The following PTPRT variants were observed in gnomAD, a reference collection of about 807,000 sequenced individuals.
PTPRT encodes the protein protein tyrosine phosphatase receptor type T.
PTPRT carries 56 observed loss-of-function variants against 176.8 expected under a neutral mutation model. The ratio of observed to expected loss-of-function variants is 0.32; its 90% CI spans 0.26 to 0.40. The LOEUF is 0.40. Among genes scored for constraint, PTPRT ranks in the 10% least tolerant of loss-of-function variants. The pLI is 1.00. For missense variants in PTPRT, 1,540 were observed against 1,908.2 expected, an observed-to-expected ratio of 0.81 and a Z score of 3.60; for synonymous variants, 783 against 739.0, an observed-to-expected ratio of 1.06 and a Z score of -0.96.
intron 27 of PTPRT, among the ~76,000 whole-genome samples, chr20:42,087,409 T>A (rs1413811291): frequency 2.7e-5 from 4 of 148,026 alleles, no homozygotes; most frequent in South Asian, 4.3e-4. Flanking sequence ...TTATTTTTTT[T>A]ATTTTTATTT....
rs145085435 is a variant in PTPRT, at chr20:42,926,844, A to G, written c.89-40912T>C. On this transcript the variant is annotated intron_variant, in intron 1 of 30. Coordinates refer to ENST00000373187, the MANE Select transcript of PTPRT (RefSeq NM_007050.6). ...CAGCCAGGCTTACAATGCATCCCCA[A>G]GAAAGGACGGCAGCTGCCACAAATG... Among the ~76,000 whole-genome samples, 411 of 152,324 alleles carry G rather than the reference A, an allele frequency of 2.7e-3. 1 individual carries two copies. Among genetic ancestry groups the G allele is most frequent in the African/African-American group, 9.4e-3 (390 of 41,580 alleles).
intron 13 of PTPRT, among the ~76,000 whole-genome samples, chr20:42,258,700 A>C (rs1442933090): frequency 6.6e-6 from 1 of 152,186 alleles, no homozygotes; most frequent in Non-Finnish European, 1.5e-5. Flanking sequence ...GGATTATTTC[A>C]TCATTCTTCT....
rs887715216 is a variant in PTPRT, at chr20:42,073,991, A to G, written c.*6888T>C. On this transcript the variant is annotated 3_prime_UTR_variant, in exon 31 of 31. Coordinates refer to ENST00000373187, the MANE Select transcript of PTPRT (RefSeq NM_007050.6). ...TTCTTCCTTACAGCTATTAAGTTTC[A>G]CTCATGGGTCCTAGTTATACTCAGA... 11 of 230,482 alleles carry G rather than the reference A, an allele frequency of 4.8e-5. No homozygotes were observed. Among genetic ancestry groups the G allele is most frequent in the African/African-American group, 2.0e-4 (9 of 45,154 alleles). The allele number at this position is 230,482 out of a possible 1,614,324, so 14.3% of individuals were successfully genotyped here. A position where few individuals can be genotyped will look rare whatever the true frequency, so the allele number is the denominator to read the frequency against.
intron 25 of PTPRT, among the ~76,000 whole-genome samples, chr20:42,103,725 T>C (rs1241561135): frequency 1.3e-5 from 2 of 152,250 alleles, no homozygotes; most frequent in Non-Finnish European, 2.9e-5. Flanking sequence ...GAAAAATTAC[T>C]GAGAGGACCT....
At chr20:42,739,083 A>C (rs1465292536) in intron 6 of PTPRT, among the ~76,000 whole-genome samples, 1 of 152,166 alleles carries the variant, frequency 6.6e-6, no homozygotes, top group Non-Finnish European at 1.5e-5. Context: ...CAACAAAAAC[A>C]AAATGGCAAA....
chr20:42,630,455 CCA>C (rs2074382839), intron 7 of PTPRT, among the ~76,000 whole-genome samples: 1 of 152,050 alleles, frequency 6.6e-6, no homozygotes, highest in African/African-American at 2.4e-5. Flanking sequence ...AAGGAAAGAG[CCA>C]CACACCACCA....
At chr20:43,103,497 A>C (rs2098090087) in intron 1 of PTPRT, among the ~76,000 whole-genome samples, 7 of 152,126 alleles carry the variant, frequency 4.6e-5, no homozygotes, top group Admixed American at 4.6e-4. Flanking sequence ...ACCAAAAGCT[A>C]ACTGCAGCCA....
At chr20:42,354,484 G>T (rs979325331) in intron 9 of PTPRT, among the ~76,000 whole-genome samples, 8 of 152,142 alleles carry the variant, frequency 5.3e-5, no homozygotes, top group Non-Finnish European at 1.0e-4. Context: ...ATACCACATT[G>T]CCTGGCCTGT....
chr20:42,635,105 G>GA (rs922669412), intron 7 of PTPRT, among the ~76,000 whole-genome samples: 19 of 151,718 alleles, frequency 1.3e-4, no homozygotes, highest in Admixed American at 9.2e-4. Context: ...GAGAAATACT[G>GA]AAAAAAAATA....
Position 42,085,844 on chromosome 20 carries a change from G to A in PTPRT, c.3856C>T (p.Gln1286Ter). 6.2e-7 allele frequency: 1 copy of A among 1,612,078 alleles called. No homozygotes were observed. The highest frequency in any genetic ancestry group is 8.5e-7 in the Non-Finnish European group (1 of 1,178,032). The change falls in exon 28 of 31, where the codon CAG becomes TAG. Residue 1286 changes from glutamine to a stop codon, truncating the protein, a stop_gained. Coordinates refer to ENST00000373187, the MANE Select transcript of PTPRT (RefSeq NM_007050.6). LOFTEE classifies it high-confidence loss of function. ...CCGGAGGTCTTCTCAGGCCAGTACT[G>A]CATACAGAACTGAGATAAGGAAAGA... ...NEMDTAQFCM[Q>*]YWPEKTSGCY...
chr20:42,489,469 G>A (rs188419933), intron 7 of PTPRT, among the ~76,000 whole-genome samples: 3 of 151,542 alleles, frequency 2.0e-5, no homozygotes, highest in Non-Finnish European at 1.5e-5. Flanking sequence ...CAGATTTTGG[G>A]GTCATTTGTT....
At chr20:42,198,686 C>T (rs180693300) in intron 16 of PTPRT, among the ~76,000 whole-genome samples, 1 of 152,196 alleles carries the variant, frequency 6.6e-6, no homozygotes, top group African/African-American at 2.4e-5. Flanking sequence ...ACCAATGCTA[C>T]TTGGAACACT....
At chr20:43,141,705 C>G (rs2014012540) in intron 1 of PTPRT, among the ~76,000 whole-genome samples, 1 of 152,204 alleles carries the variant, frequency 6.6e-6, no homozygotes, top group Non-Finnish European at 1.5e-5. Flanking sequence ...TTACATTTAT[C>G]ACATCAACAG....
intron 17 of PTPRT, among the ~76,000 whole-genome samples, chr20:42,148,148 C>T (rs1398554918): frequency 2.6e-5 from 4 of 151,766 alleles, no homozygotes; most frequent in Non-Finnish European, 5.9e-5. Flanking sequence ...TCAATCTCCG[C>T]TTTCCTTTTC....
intron 6 of PTPRT, among the ~76,000 whole-genome samples, chr20:42,711,972 C>T (rs2076151199): frequency 6.6e-6 from 1 of 151,956 alleles, no homozygotes; most frequent in Admixed American, 6.6e-5. Flanking sequence ...GTGGAAACTT[C>T]CCTCTGCCCC....
the PTPRT span, among the ~76,000 whole-genome samples, chr20:42,054,740 A>AG: frequency 1.3e-5 from 2 of 152,150 alleles, no homozygotes; most frequent in East Asian, 3.9e-4. Flanking sequence ...CATTCATAGA[A>AG]GGTCTACTCA....
intron 1 of PTPRT, among the ~76,000 whole-genome samples, chr20:43,130,182 C>T (rs2013600194): frequency 6.6e-6 from 1 of 152,180 alleles, no homozygotes; most frequent in Non-Finnish European, 1.5e-5. Context: ...GCTCCTAAAA[C>T]ACAACCGTCA....
At chr20:42,814,357 TG>T (rs1177196543) in intron 2 of PTPRT, among the ~76,000 whole-genome samples, 12 of 152,346 alleles carry the variant, frequency 7.9e-5, no homozygotes, top group African/African-American at 2.9e-4. Context: ...CGCAAATATC[TG>T]AGTCACACTT....
Position 42,880,342 on chromosome 20 carries a change from A to C in PTPRT, c.214+5465T>G, listed in dbSNP as rs371788145. Among the ~76,000 whole-genome samples, 43 of 152,328 alleles carry C rather than the reference A, an allele frequency of 2.8e-4. 2 individuals carry two copies. In the South Asian group the frequency reaches 8.9e-3, roughly 32 times the overall value. On this transcript the variant is annotated intron_variant, in intron 2 of 30. Transcript: ENST00000373187. The stretch of plus-strand genomic sequence containing the variant: ...CAGCTCCCTGGGGACTGAGGGTCAG[A>C]TTCAGGTTTATGTAAAGAAGAGAAA...
Sources: allele counts gnomAD v4.1 joint callset (sites outside exome capture counted in the v4.1 genomes callset), GRCh38; gene constraint gnomAD v4.1.1; transcripts MANE v1.5; gene names NCBI Gene and HGNC (gene_info 2026-07-23, HGNC 2026-07-21).